The following TCEANC variants were observed in gnomAD, a reference collection of about 807,000 sequenced individuals.
TCEANC encodes transcription elongation factor A N-terminal and central domain-containing protein.
TCEANC carries 8 observed loss-of-function variants against 8.7 expected under a neutral mutation model. That is an observed-to-expected ratio of 0.92 (90% confidence interval 0.54 to 1.65). The LOEUF (loss-of-function observed/expected upper bound fraction) is 1.65, where lower values mean the gene tolerates loss of function less well. Among genes scored for constraint, TCEANC ranks in the 40% most tolerant of loss-of-function variants. The pLI, the probability that TCEANC is intolerant of heterozygous loss-of-function variation, is 0.00. For missense variants in TCEANC, 255 were observed against 251.9 expected (o/e 1.01, Z -0.08); for synonymous variants, 78 against 92.9 (o/e 0.84, Z 0.92).
At chrX:13,663,880 A>G (rs1261260318) in exon 2 of TCEANC, 2 of 195,831 alleles carry the variant, frequency 1.0e-5, no homozygotes, top group Middle Eastern at 1.7e-3. Flanking sequence ...CCGAATCTGC[A>G]TTTTGACAGG....
intron 1 of TCEANC, among the ~76,000 whole-genome samples, chrX:13,658,173 G>C (rs1602675425): frequency 8.9e-6 from 1 of 112,030 alleles, no homozygotes; most frequent in Non-Finnish European, 1.9e-5. Flanking sequence ...GAAGAAAGAG[G>C]AGTGGCTGCT....
At chrX:13,663,695 G>A (rs2045991347) in exon 2 of TCEANC, 2 of 627,262 alleles carry the variant, frequency 3.2e-6, no homozygotes, top group Non-Finnish European at 4.7e-6. Flanking sequence ...GTCGTTAGCT[G>A]AAGCTGCCAC....
intron 1 of TCEANC, among the ~76,000 whole-genome samples, chrX:13,657,286 G>T (rs1004379102): frequency 6.3e-4 from 70 of 111,956 alleles, no homozygotes; most frequent in Non-Finnish European, 1.2e-3. Flanking sequence ...AAACTTAGGA[G>T]AAACTGGAAG....
chrX:13,663,022 C>T, exon 2 of TCEANC: 1 of 1,211,088 alleles, frequency 8.3e-7, no homozygotes, highest in South Asian at 1.8e-5. Context: ...TCCCACAACA[C>T]CCATGAGAAC....
chrX:13,662,953 G>C, exon 2 of TCEANC: 2 of 1,211,380 alleles, frequency 1.7e-6, no homozygotes, highest in Non-Finnish European at 2.2e-6. Flanking sequence ...ACCTAAGGAA[G>C]AGCATTTTGG....
At chrX:13,660,249 A>G (rs768485784) in intron 1 of TCEANC, among the ~76,000 whole-genome samples, 1 of 112,133 alleles carries the variant, frequency 8.9e-6, no homozygotes, top group Non-Finnish European at 1.9e-5. Flanking sequence ...TAAAATTTGG[A>G]TCAAATTCTA....
At chrX:13,663,084 A>C (rs1404388429) in exon 2 of TCEANC, 1 of 1,211,427 alleles carries the variant, frequency 8.3e-7, no homozygotes, top group African/African-American at 1.7e-5. Flanking sequence ...CCACAGATCA[A>C]CCCAAAGCTG....
chrX:13,657,828 C>T (rs868824256), intron 1 of TCEANC, among the ~76,000 whole-genome samples: 2 of 88,520 alleles, frequency 2.3e-5, no homozygotes, highest in Non-Finnish European at 4.4e-5. Context: ...AAAAAAAAAA[C>T]ACACACACAC....
At chrX:13,662,528 T>G (rs771799546) in exon 2 of TCEANC, 3 of 1,209,834 alleles carry the variant, frequency 2.5e-6, no homozygotes, top group South Asian at 1.8e-5. Context: ...AAGAACCAGA[T>G]AGCTGCCAGA....
At chrX:13,655,214 ACT>A (rs1396907102), upstream of TCEANC, 3 of 112,260 alleles carry the variant, frequency 2.7e-5, no homozygotes, top group African/African-American at 9.7e-5. Context: ...CATGAAAAAA[ACT>A]TGCAAATTAT....
Position 13,663,142 on chromosome X carries a change from C to T in TCEANC, c.634C>T (p.Leu212Phe). 4 of 1,209,343 alleles carry T rather than the reference C, an allele frequency of 3.3e-6. No individual in the cohort carries two copies. Among genetic ancestry groups the T allele is most frequent in the Non-Finnish European group, 2.2e-6 (2 of 894,058 alleles). The stretch of plus-strand genomic sequence containing the variant: ...AGAAATTGAAGAGCATGTTTTTACC[C>T]TTTATTCAAAGAACATCAAAAAATA... Residue 212 changes from leucine to phenylalanine, a missense_variant, in exon 2 of 2, where the codon CTT becomes TTT. Physicochemically the swap from Leu to Phe is conservative, Grantham distance 22. Coordinates refer to ENST00000380600, the Ensembl canonical transcript of TCEANC.
At chrX:13,664,003 C>T in exon 2 of TCEANC, 1 of 128,994 alleles carries the variant, frequency 7.8e-6, no homozygotes, top group African/African-American at 3.2e-5. Context: ...CTTTGAAAAC[C>T]CACTGGTGCT....
chrX:13,653,580 G>C (rs1225834256), upstream of TCEANC, among the ~76,000 whole-genome samples: 1 of 111,826 alleles, frequency 8.9e-6, no homozygotes, highest in African/African-American at 3.3e-5. Context: ...TGGCTGTTCA[G>C]TAACCGCTAC....
chrX:13,663,549 G>A, exon 2 of TCEANC: 1 of 1,147,448 alleles, frequency 8.7e-7, no homozygotes, highest in Non-Finnish European at 1.2e-6. Flanking sequence ...ACCATAGCAA[G>A]TGGGTGTGCT....
At chrX:13,663,632 T>C in exon 2 of TCEANC, 1 of 982,250 alleles carries the variant, frequency 1.0e-6, no homozygotes. Flanking sequence ...CCTTTTGTGC[T>C]TTTAAAAATC....
intron 1 of TCEANC, 109 bp from the exon 5 acceptor site, chrX:13,662,388 CTCTT>C: frequency 1.5e-6 from 1 of 662,404 alleles, no homozygotes; most frequent in Non-Finnish European, 2.3e-6. Flanking sequence ...TATTACATGA[CTCTT>C]TCGGAAAACA....
At chrX:13,665,350 A>AT (rs1479026876) in exon 2 of TCEANC, 4 of 123,885 alleles carry the variant, frequency 3.2e-5, no homozygotes, top group African/African-American at 1.3e-4. Context: ...TGTAGTTTTT[A>AT]TTTATATTGG....
At chrX:13,664,721 C>T (rs904400128) in exon 2 of TCEANC, 5 of 122,828 alleles carry the variant, frequency 4.1e-5, no homozygotes, top group African/African-American at 1.3e-4. Context: ...TAGTAACAGA[C>T]GTTTATCTAA....
intron 1 of TCEANC, among the ~76,000 whole-genome samples, chrX:13,658,997 A>G (rs576659639): frequency 3.6e-5 from 4 of 112,629 alleles, no homozygotes; most frequent in East Asian, 5.5e-4. Context: ...TAAAGACTGC[A>G]TACAGTAAAA....
Sources: gnomAD v4.1 joint callset for allele counts (sites outside exome capture counted in the v4.1 genomes callset) on GRCh38, gnomAD v4.1.1 for gene constraint, MANE v1.5 for transcripts, NCBI Gene and HGNC (gene_info 2026-07-23, HGNC 2026-07-21) for gene names.